The following RXFP1 variants were observed in gnomAD, a reference collection of about 807,000 sequenced individuals.
RXFP1 encodes relaxin family peptide receptor 1.
Under a neutral mutation model 89.8 loss-of-function variants are expected in RXFP1, and 73 were observed. The ratio of observed to expected loss-of-function variants is 0.81; its 90% CI spans 0.67 to 0.99. The LOEUF (loss-of-function observed/expected upper bound fraction) is 0.99, where lower values mean the gene tolerates loss of function less well. Ranked by LOEUF, RXFP1 falls within the 50% of genes least tolerant of loss-of-function variation. The pLI is 0.00. For missense variants in RXFP1, 793 were observed against 895.5 expected (o/e 0.89, Z 1.46); for synonymous variants, 277 against 305.5 (o/e 0.91, Z 0.97).
chr4:158,574,690 G>A (rs116330404), intron 2 of RXFP1, among the ~76,000 whole-genome samples: 101 of 152,110 alleles, frequency 6.6e-4, no homozygotes, highest in Non-Finnish European at 1.2e-3. Context: ...CCCTGATATC[G>A]AGCTGTACTT....
chr4:158,600,883 C>T (rs1018862280), intron 4 of RXFP1, among the ~76,000 whole-genome samples: 11 of 152,010 alleles, frequency 7.2e-5, no homozygotes, highest in African/African-American at 2.4e-4. Flanking sequence ...AATCATAATC[C>T]TTCTCCACTG....
intron 6 of RXFP1, among the ~76,000 whole-genome samples, chr4:158,609,008 T>C (rs1380989383): frequency 6.6e-6 from 1 of 152,258 alleles, no homozygotes; most frequent in Non-Finnish European, 1.5e-5. Flanking sequence ...TGTATTTATG[T>C]ACCACATTTT....
intron 6 of RXFP1, among the ~76,000 whole-genome samples, chr4:158,608,682 C>T (rs993832804): frequency 4.6e-5 from 7 of 152,128 alleles, no homozygotes; most frequent in Admixed American, 1.3e-4. Flanking sequence ...GCATTAAGTA[C>T]ATTGACATTG....
intron 1 of RXFP1, among the ~76,000 whole-genome samples, chr4:158,531,154 G>A (rs1743948145): frequency 6.6e-6 from 1 of 152,008 alleles, no homozygotes; most frequent in African/African-American, 2.4e-5. Flanking sequence ...TCCCAACTAA[G>A]CCTCGCGAGT....
chr4:158,628,543 A>G (rs933025288), intron 10 of RXFP1, 95 bp from the exon 11 acceptor site: 2 of 560,154 alleles, frequency 3.6e-6, no homozygotes, highest in African/African-American at 3.9e-5. Context: ...TGTACTGTAT[A>G]TTCATTATCT....
chr4:158,573,882 G>A (rs570958819), intron 2 of RXFP1, among the ~76,000 whole-genome samples: 14 of 152,318 alleles, frequency 9.2e-5, no homozygotes, highest in African/African-American at 3.4e-4. Context: ...CTGTCCAGGT[G>A]TTGGATGCTG....
At position 158,601,931 on chromosome 4, in the gene RXFP1, A is replaced by C. The variant is rs79057736; in HGVS notation, c.392+2500A>C. On this transcript the variant is annotated intron_variant, in intron 4 of 17. Transcript: ENST00000307765. ...TTGAGACTTGGCTTTAAGATCCTGGAATTTAATCACTAGAACTATATGATC... is the reference window on the plus strand; with the variant it reads ...TTGAGACTTGGCTTTAAGATCCTGGCATTTAATCACTAGAACTATATGATC... Among the ~76,000 whole-genome samples, 1,241 of 152,280 alleles carry C rather than the reference A, an allele frequency of 8.1e-3. 13 individuals are homozygous for C. The highest frequency in any genetic ancestry group is 0.037 in the Middle Eastern group (11 of 294).
At chr4:158,613,609 A>G (rs1177300317) in intron 8 of RXFP1, among the ~76,000 whole-genome samples, 1 of 152,148 alleles carries the variant, frequency 6.6e-6, no homozygotes, top group African/African-American at 2.4e-5. Context: ...CAATTCAGTC[A>G]CCTCTTCAGG....
intron 1 of RXFP1, among the ~76,000 whole-genome samples, chr4:158,547,781 G>A (rs1427411283): frequency 6.6e-6 from 1 of 152,130 alleles, no homozygotes; most frequent in Non-Finnish European, 1.5e-5. Flanking sequence ...TCTTAGTCCT[G>A]AGTTCTAGTT....
At chr4:158,583,675 G>A (rs1002534822) in intron 2 of RXFP1, among the ~76,000 whole-genome samples, 13 of 152,116 alleles carry the variant, frequency 8.5e-5, no homozygotes, top group Non-Finnish European at 1.3e-4. Flanking sequence ...AGGCTTTTCT[G>A]AAAATACAGA....
At chr4:158,624,854 A>G (rs988358435) in intron 9 of RXFP1, among the ~76,000 whole-genome samples, 8 of 152,190 alleles carry the variant, frequency 5.3e-5, no homozygotes, top group African/African-American at 1.2e-4. Flanking sequence ...AGGAGGGGGG[A>G]AAAACAGTAA....
intron 2 of RXFP1, among the ~76,000 whole-genome samples, chr4:158,576,957 G>C (rs943434463): frequency 1.3e-5 from 2 of 152,026 alleles, no homozygotes; most frequent in African/African-American, 4.8e-5. Context: ...CAAACTGAGT[G>C]GTTTTTTCCT....
chr4:158,536,446 A>T (rs928576656), intron 1 of RXFP1, among the ~76,000 whole-genome samples: 1 of 152,204 alleles, frequency 6.6e-6, no homozygotes, highest in Non-Finnish European at 1.5e-5. Flanking sequence ...TCAATCAGAG[A>T]TAACTTCAAT....
chr4:158,629,210 C>G (rs1252739128), intron 11 of RXFP1, among the ~76,000 whole-genome samples: 2 of 151,840 alleles, frequency 1.3e-5, no homozygotes, highest in Non-Finnish European at 1.5e-5. Flanking sequence ...CCCACCATGC[C>G]CAGCTAATTT....
At position 158,647,192 on chromosome 4, in the gene RXFP1, A is replaced by G. The variant is rs1771732238; in HGVS notation, c.1747A>G (p.Ile583Val). 1 of 1,561,068 alleles carries G rather than the reference A, an allele frequency of 6.4e-7. No homozygotes were observed. The highest frequency in any genetic ancestry group is 8.6e-7 in the Non-Finnish European group (1 of 1,157,666). The part of the protein sequence containing the change: ...SIGAQIYSVA[I>V]FLGINLAAFI... ...TGGAGCCCAGATTTATTCAGTGGCA[A>G]TTTTTCTTGGTAAGAAACTAAGAAA... The change falls in exon 16 of 18, where the codon ATT becomes GTT. Residue 583 changes from isoleucine to valine, a missense_variant. Ile to Val is a conservative substitution (Grantham distance 29, BLOSUM62 3). Transcript: ENST00000307765.
chr4:158,609,969 G>A (rs1047000816), intron 6 of RXFP1, among the ~76,000 whole-genome samples: 1 of 152,134 alleles, frequency 6.6e-6, no homozygotes, highest in African/African-American at 2.4e-5. Flanking sequence ...GAGTGTTGTT[G>A]AGTGTTAAAG....
intron 12 of RXFP1, 37 bp downstream of exon 12, chr4:158,633,513 A>G: frequency 7.7e-7 from 1 of 1,297,170 alleles, no homozygotes; most frequent in South Asian, 1.3e-5. Flanking sequence ...TCGTTTCTTT[A>G]TTTTATTATT....
At chr4:158,576,353 G>A (rs1364062169) in intron 2 of RXFP1, among the ~76,000 whole-genome samples, 1 of 151,966 alleles carries the variant, frequency 6.6e-6, no homozygotes, top group Non-Finnish European at 1.5e-5. Context: ...TTGAGTCCAG[G>A]AGTTGGAGAT....
chr4:158,599,839 G>A (rs1269734739), intron 4 of RXFP1, among the ~76,000 whole-genome samples: 3 of 152,100 alleles, frequency 2.0e-5, no homozygotes, highest in Non-Finnish European at 4.4e-5. Flanking sequence ...AATCTGATGT[G>A]TAAGTTAAAA....
Sources: allele counts gnomAD v4.1 joint callset (sites outside exome capture counted in the v4.1 genomes callset), GRCh38; gene constraint gnomAD v4.1.1; transcripts MANE v1.5; gene names NCBI Gene and HGNC (gene_info 2026-07-23, HGNC 2026-07-21).